The following DMD variants were observed in gnomAD, a reference collection of about 807,000 sequenced individuals.
DMD encodes the protein dystrophin, also known as mutant dystrophin.
DMD carries 63 observed loss-of-function variants against 330.1 expected under a neutral mutation model. That is an observed-to-expected ratio of 0.19 (90% confidence interval 0.16 to 0.24). DMD has a LOEUF of 0.24. Among genes scored for constraint, DMD ranks in the 10% least tolerant of loss-of-function variants. The pLI is 1.00. For missense variants in DMD, 3,344 were observed against 2,684.1 expected (o/e 1.25, Z -5.43); for synonymous variants, 1,223 against 959.8 (o/e 1.27, Z -5.07).
At chrX:32,868,804 G>A (rs2082722209) in intron 2 of DMD, among the ~76,000 whole-genome samples, 2 of 112,270 alleles carry the variant, frequency 1.8e-5, no homozygotes, top group African/African-American at 3.2e-5. Flanking sequence ...GCAGATCAGC[G>A]GACTTAGTCT....
chrX:32,764,419 C>T (rs2072712615), intron 7 of DMD, among the ~76,000 whole-genome samples: 1 of 111,137 alleles, frequency 9.0e-6, no homozygotes, highest in African/African-American at 3.3e-5. Context: ...AAATTATCTT[C>T]CCCCAAAAAA....
rs6631581 is a variant in DMD, at chrX:32,440,221, T to C, written c.3921+959A>G. The stretch of plus-strand genomic sequence containing the variant: ...TTGCTGATTCACAAGAAATGTTTGG[T>C]CAATTAACTTCTCTGAATACGACAA... On this transcript the variant is annotated intron_variant, in intron 28 of 78. Coordinates refer to ENST00000357033, the MANE Select transcript of DMD (RefSeq NM_004006.3). 5.4e-5 allele frequency among the ~76,000 whole-genome samples: 6 copies of C among 111,961 alleles called. No homozygotes were observed. In the East Asian group the frequency reaches 1.7e-3, roughly 32 times the overall value.
chrX:31,779,717 G>A (rs866056631), intron 50 of DMD, among the ~76,000 whole-genome samples: 1 of 101,899 alleles, frequency 9.8e-6, no homozygotes, highest in East Asian at 3.1e-4. Flanking sequence ...GTGTGTGTGT[G>A]TAAAGAGAGA....
At chrX:32,089,001 G>C (rs774423883) in intron 44 of DMD, among the ~76,000 whole-genome samples, 77 of 111,708 alleles carry the variant, frequency 6.9e-4, no homozygotes, top group African/African-American at 2.5e-3. Flanking sequence ...TGTTTTTCTG[G>C]AGATCCATTC....
At chrX:31,158,353 T>C (rs181516412) in intron 74 of DMD, among the ~76,000 whole-genome samples, 1 of 112,162 alleles carries the variant, frequency 8.9e-6, no homozygotes, top group East Asian at 2.8e-4. Context: ...CACAAAAGAC[T>C]TTATATTGTA....
rs113604000 is a variant in DMD, at chrX:31,146,382, C to T, written c.10830G>A (p.Thr3610=). ...PQAEAKVNGT[T]VSSPSTSLQR... ...GTAGAGAGGTAGAAGGAGAGGACAC[C>T]GTTGTGCCATTCACTTTGGCCTCTG... Residue 3610 remains threonine (T), a synonymous_variant, in exon 76 of 79, where the codon ACG becomes ACA. Transcript: ENST00000357033. 12 of 1,210,304 alleles carry T rather than the reference C, an allele frequency of 9.9e-6. No individual in the cohort carries two copies. In the African/African-American group the frequency reaches 1.0e-4, roughly 10 times the overall value.
intron 44 of DMD, among the ~76,000 whole-genome samples, chrX:31,984,016 T>C (rs6628664): frequency 0.11 from 11,985 of 111,257 alleles, 520 homozygotes; most frequent in East Asian, 0.15. Context: ...TAAAGAGATA[T>C]ATGCGAGACA....
intron 41 of DMD, among the ~76,000 whole-genome samples, chrX:32,315,691 C>T (rs971425731): frequency 1.8e-5 from 2 of 111,191 alleles, no homozygotes; most frequent in African/African-American, 6.5e-5. Context: ...CATACCCTGG[C>T]TTCTCATCTG....
chrX:32,731,204 G>C (rs982610496), intron 7 of DMD, among the ~76,000 whole-genome samples: 5 of 112,161 alleles, frequency 4.5e-5, no homozygotes, highest in African/African-American at 6.5e-5. Flanking sequence ...TGTTTCCGAC[G>C]GGCTTAAAAA....
chrX:32,214,584 GC>G (rs35563354), intron 44 of DMD, among the ~76,000 whole-genome samples: 2 of 111,562 alleles, frequency 1.8e-5, no homozygotes, highest in African/African-American at 6.5e-5. Flanking sequence ...GTTCCCACGA[GC>G]CCCAGTGAAA....
rs958211220 is a variant in DMD at position 33,298,399 on chromosome X, A to G, written c.7+40860T>C. Among the ~76,000 whole-genome samples, 4 of 111,788 alleles carry G rather than the reference A, an allele frequency of 3.6e-5. No homozygotes were observed. The Admixed American group carries it at 3.8e-4, about 11-fold the overall frequency. On this transcript the variant is annotated intron_variant, in intron 1 of 17. Transcript: ENST00000288447. Reference sequence around the variant, plus strand: ...AACGTCTTTAATTTCAAGAACCATTAACAAAATTTCAAACAATTTATGTTA... The same window carrying G: ...AACGTCTTTAATTTCAAGAACCATTGACAAAATTTCAAACAATTTATGTTA...
At chrX:33,188,298 A>T (rs2148773478) in intron 1 of DMD, among the ~76,000 whole-genome samples, 1 of 110,213 alleles carries the variant, frequency 9.1e-6, no homozygotes, top group South Asian at 3.9e-4. Flanking sequence ...ATTTTAAAAA[A>T]TCATCAGTCT....
At chrX:33,036,327 C>T (rs1276550667) in intron 1 of DMD, among the ~76,000 whole-genome samples, 2 of 111,679 alleles carry the variant, frequency 1.8e-5, no homozygotes, top group African/African-American at 6.5e-5. Flanking sequence ...AATTGCATTG[C>T]ACAAGTAGTT....
intron 41 of DMD, among the ~76,000 whole-genome samples, chrX:32,312,352 A>G (rs2097565700): frequency 9.0e-6 from 1 of 111,183 alleles, no homozygotes; most frequent in Non-Finnish European, 1.9e-5. Flanking sequence ...TTCTTCTTTG[A>G]TATGTAGTTT....
intron 3 of DMD, among the ~76,000 whole-genome samples, chrX:32,848,520 G>A (rs1251814916): frequency 9.0e-6 from 1 of 111,476 alleles, no homozygotes; most frequent in East Asian, 2.8e-4. Flanking sequence ...ATGTCATCAA[G>A]TTGTTCTTCT....
intron 1 of DMD, among the ~76,000 whole-genome samples, chrX:33,319,216 C>A (rs1305348574): frequency 9.0e-6 from 1 of 110,904 alleles, no homozygotes; most frequent in Non-Finnish European, 1.9e-5. Context: ...CTACGCCACC[C>A]AGTTTATTAT....
intron 42 of DMD, among the ~76,000 whole-genome samples, chrX:32,307,077 A>G (rs1418778123): frequency 1.8e-5 from 2 of 111,296 alleles, no homozygotes; most frequent in Non-Finnish European, 3.8e-5. Context: ...GTAAATGCTA[A>G]CTACACAGTA....
rs144586604 is a variant in DMD at position 31,435,974 on chromosome X, C to T, written c.9084+8507G>A. 3.0e-3 allele frequency among the ~76,000 whole-genome samples: 337 copies of T among 111,271 alleles called. 3 individuals carry two copies. The highest frequency in any genetic ancestry group is 0.011 in the African/African-American group (328 of 30,558). On this transcript the variant is annotated intron_variant, in intron 60 of 78. Coordinates refer to ENST00000357033, the MANE Select transcript of DMD (RefSeq NM_004006.3). ...TGGAGACAAGGGCAAATGTCAGTTG[C>T]AGAATAAGGGAAAAGGACAAGAAAA...
At position 31,120,440 on chromosome X, in the gene DMD, T is replaced by TGTCA. The variant is rs764913815; in HGVS notation, c.*1475_*1478dup. The TGTCA allele has an allele frequency of 4.5e-5, 5 of 112,129 alleles. No individual in the cohort carries two copies. Among genetic ancestry groups the TGTCA allele is most frequent in the African/African-American group, 9.7e-5 (3 of 30,908 alleles). The allele number at this position is 112,129 out of a possible 1,213,427, so 9.2% of individuals were successfully genotyped here. Reference sequence around the variant, plus strand: ...GTTCATGGGCTTCTGGGTTGATACCTGTCAGTATCACAAATGTGATGGGGC... The same window carrying TGTCA: ...GTTCATGGGCTTCTGGGTTGATACCTGTCAGTCAGTATCACAAATGTGATGGGGC... On this transcript the variant is annotated 3_prime_UTR_variant, in exon 79 of 79. Transcript: ENST00000357033.
Sources: allele counts gnomAD v4.1 joint callset (sites outside exome capture counted in the v4.1 genomes callset), GRCh38; gene constraint gnomAD v4.1.1; transcripts MANE v1.5; gene names NCBI Gene and HGNC (gene_info 2026-07-23, HGNC 2026-07-21).